The following PPP2R3B variants were observed in gnomAD, a reference collection of about 807,000 sequenced individuals.
PPP2R3B encodes the protein protein phosphatase 2 regulatory subunit B''beta, also known as serine/threonine-protein phosphatase 2A regulatory subunit B'' subunit beta.
A neutral mutation model predicts 72.9 loss-of-function variants in PPP2R3B; 68 were observed. The observed-to-expected ratio is 0.93, with a 90% CI of 0.77 to 1.14. The LOEUF (loss-of-function observed/expected upper bound fraction) is 1.14, where lower values mean the gene tolerates loss of function less well. Ranked by LOEUF, PPP2R3B falls within the 50% of genes most tolerant of loss-of-function variation. The pLI is 0.00. For missense variants in PPP2R3B, 1,018 were observed against 842.0 expected (o/e 1.21, Z -2.59); for synonymous variants, 466 against 375.8 (o/e 1.24, Z -2.78).
intron 1 of PPP2R3B, among the ~76,000 whole-genome samples, chrX:367,568 T>C (rs374911771): frequency 6.6e-6 from 1 of 152,092 alleles, no homozygotes; most frequent in South Asian, 2.1e-4. Context: ...CGGCCAGCCA[T>C]TGACATTTGT....
Position 334,045 on chromosome X carries a change from C to T in PPP2R3B, c.*322G>A, listed in dbSNP as rs1490617172. 1.3e-4 allele frequency: 34 copies of T among 269,124 alleles called. No individual in the cohort carries two copies. The highest frequency in any genetic ancestry group is 1.2e-3 in the East Asian group (18 of 14,952). The allele number at this position is 269,124 out of a possible 1,614,324, so 16.7% of individuals were successfully genotyped here. On this transcript the variant is annotated 3_prime_UTR_variant, in exon 13 of 13. Coordinates refer to ENST00000390665, the MANE Select transcript of PPP2R3B (RefSeq NM_013239.5). ...CAGGACTGAGGCGCCCGGGAGCCGC[C>T]GGTCACCGTTGTGCGCACACGGACC...
chrX:345,549 C>T lies in PPP2R3B; in HGVS notation c.1003G>A (p.Asp335Asn), dbSNP rs2071184560. The T allele has an allele frequency of 1.9e-6, 3 of 1,613,010 alleles. No homozygotes were observed. The highest frequency in any genetic ancestry group is 1.3e-5 in the African/African-American group (1 of 74,866). The stretch of plus-strand genomic sequence containing the variant: ...TTGTGCCGCGCCAGGTCGTCCGCGT[C>T]GATGAGCAGGTCGTGGTCCGTGTCC... Reference protein sequence around the residue: ...ELDTDHDLLIDADDLARHNDH... With the variant: ...ELDTDHDLLINADDLARHNDH... The change falls in exon 7 of 13, where the codon GAC becomes AAC. Residue 335 changes from aspartate (D) to asparagine (N), a missense_variant. Asp to Asn is a conservative substitution (Grantham distance 23). Coordinates refer to ENST00000390665, the MANE Select transcript of PPP2R3B (RefSeq NM_013239.5).
At chrX:372,471 G>A (rs1243600386) in intron 1 of PPP2R3B, among the ~76,000 whole-genome samples, 2 of 152,188 alleles carry the variant, frequency 1.3e-5, no homozygotes, top group East Asian at 1.9e-4. Context: ...CGCCCGCCAC[G>A]CACACCCTGT....
chrX:347,419 G>A, intron 3 of PPP2R3B, 83 bp from the exon 4 acceptor site: 1 of 1,408,516 alleles, frequency 7.1e-7, no homozygotes, highest in South Asian at 1.2e-5. Flanking sequence ...CACGTGTGTG[G>A]TGTTCCACGT....
Position 347,356 on chromosome X carries a change from G to A in PPP2R3B, c.615-20C>T. On this transcript the variant is annotated intron_variant, in intron 3 of 12. Transcript: ENST00000390665. ...AGGATTCTGGAAGGACAGGATGACT[G>A]GGCACCACCCTCACAGGGGGGTGGC... The A allele has an allele frequency of 5.6e-6, 9 of 1,610,542 alleles. No homozygotes were observed. The highest frequency in any genetic ancestry group is 1.3e-5 in the African/African-American group (1 of 74,964).
intron 1 of PPP2R3B, chrX:373,552 G>A (rs772153813): frequency 4.0e-6 from 1 of 249,588 alleles, no homozygotes; most frequent in Non-Finnish European, 8.6e-6. Context: ...GCCTTCAGCC[G>A]CTTCTTGAAC....
At chrX:346,893 C>T in intron 4 of PPP2R3B, 118 bp from the exon 5 acceptor site, 1 of 964,454 alleles carries the variant, frequency 1.0e-6, no homozygotes, top group Non-Finnish European at 1.6e-6. Flanking sequence ...GGTGTAGACG[C>T]CGGCCCTCCC....
At chrX:374,318 C>T (rs2071942861) in intron 1 of PPP2R3B, among the ~76,000 whole-genome samples, 1 of 152,176 alleles carries the variant, frequency 6.6e-6, no homozygotes, top group South Asian at 2.1e-4. Flanking sequence ...GGTGCAGCTG[C>T]GCCTCCACAA....
chrX:354,735 C>T (rs760370543), intron 2 of PPP2R3B, among the ~76,000 whole-genome samples: 6 of 152,228 alleles, frequency 3.9e-5, no homozygotes, highest in East Asian at 1.9e-4. Flanking sequence ...CCAGTAGTCA[C>T]GGCTACTCGG....
At chrX:378,567 G>A (rs939660637) in intron 1 of PPP2R3B, among the ~76,000 whole-genome samples, 11 of 152,198 alleles carry the variant, frequency 7.2e-5, no homozygotes, top group Admixed American at 2.6e-4. Flanking sequence ...TGCAGGTGCC[G>A]TCTGCAGAGC....
chrX:344,901 A>T (rs1031647347), intron 7 of PPP2R3B: 470 of 336,460 alleles, frequency 1.4e-3, no homozygotes, highest in Non-Finnish European at 2.0e-3. Context: ...TAATTCGGAA[A>T]CAGTCTTGGT....
intron 1 of PPP2R3B, among the ~76,000 whole-genome samples, chrX:362,882 G>C (rs940057145): frequency 6.8e-6 from 1 of 146,954 alleles, no homozygotes; most frequent in African/African-American, 2.6e-5. Context: ...TATCCTCACC[G>C]CAGGTCACAA....
chrX:338,033 T>TCTC (rs1342874471), intron 12 of PPP2R3B: 1 of 159,290 alleles, frequency 6.3e-6, no homozygotes, highest in Non-Finnish European at 1.4e-5. Context: ...CCAGTCAGTG[T>TCTC]CTCCTCCTCC....
chrX:341,491 C>CCCA (rs1482049763), intron 8 of PPP2R3B, 95 bp from the exon 9 acceptor site: 108 of 1,309,096 alleles, frequency 8.2e-5, no homozygotes, highest in Non-Finnish European at 1.0e-4. Context: ...TGAGGGGAGC[C>CCCA]CCCCGGGCCC....
intron 4 of PPP2R3B, 163 bp from the exon 5 acceptor site, chrX:346,938 C>T (rs2071230119): frequency 3.8e-6 from 1 of 260,652 alleles, no homozygotes; most frequent in Non-Finnish European, 5.9e-6. Flanking sequence ...GACGCCGGCC[C>T]TCCCGTGAGG....
chrX:386,658 T>G lies in PPP2R3B; in HGVS notation c.34A>C (p.Lys12Gln). ...PPGKVLQPVLKMKVDELFLYW... is the reference protein window; with the variant it reads ...PPGKVLQPVLQMKVDELFLYW... ...AGGAACAGCTCGTCCACCTTCATCTTCAGGACCGGCTGCAGCACTTTGCCG... is the reference window on the plus strand; with the variant it reads ...AGGAACAGCTCGTCCACCTTCATCTGCAGGACCGGCTGCAGCACTTTGCCG... Residue 12 changes from lysine (K) to glutamine (Q), a missense_variant, in exon 1 of 13, where the codon AAG becomes CAG. Lys to Gln is a moderately conservative substitution (Grantham distance 53, BLOSUM62 1). Transcript: ENST00000390665. 4 of 1,398,748 alleles carry G rather than the reference T, an allele frequency of 2.9e-6. No homozygotes were observed. The highest frequency in any genetic ancestry group is 1.5e-5 in the African/African-American group (1 of 67,242). The allele number at this position is 1,398,748 out of a possible 1,614,324, so 86.6% of individuals were successfully genotyped here.
intron 2 of PPP2R3B, among the ~76,000 whole-genome samples, chrX:354,416 G>A (rs939272034): frequency 3.9e-5 from 6 of 152,276 alleles, no homozygotes; most frequent in African/African-American, 1.4e-4. Flanking sequence ...AAGGACCGGG[G>A]CTGCCTTCAC....
At chrX:373,594 C>T in intron 1 of PPP2R3B, 1 of 292,660 alleles carries the variant, frequency 3.4e-6, no homozygotes, top group Admixed American at 3.4e-5. Flanking sequence ...CAGCCGCGGG[C>T]CAGTGAGGCC....
At chrX:375,128 C>T (rs1166185264) in intron 1 of PPP2R3B, among the ~76,000 whole-genome samples, 1 of 152,146 alleles carries the variant, frequency 6.6e-6, no homozygotes, top group Non-Finnish European at 1.5e-5. Context: ...TCTTCCACCT[C>T]CTTCCCTTCT....
Sources: gnomAD v4.1 joint callset for allele counts (sites outside exome capture counted in the v4.1 genomes callset) on GRCh38, gnomAD v4.1.1 for gene constraint, MANE v1.5 for transcripts, NCBI Gene and HGNC (gene_info 2026-07-23, HGNC 2026-07-21) for gene names.